The following INSC variants were observed in gnomAD, a reference collection of about 807,000 sequenced individuals.
INSC encodes protein inscuteable homolog.
Under a neutral mutation model 58.6 loss-of-function variants are expected in INSC, and 67 were observed. That is an observed-to-expected ratio of 1.14 (90% confidence interval 0.94 to 1.40). INSC has a LOEUF of 1.40. INSC is among the 40% of genes most tolerant of loss of function. The pLI, the probability that INSC is intolerant of heterozygous loss-of-function variation, is 0.00. For synonymous variants in INSC, 262 were observed against 276.1 expected (o/e 0.95, Z 0.51); for missense variants, 714 against 692.0 (o/e 1.03, Z -0.36).
intron 2 of INSC, among the ~76,000 whole-genome samples, chr11:15,150,753 C>G (rs767865151): frequency 3.3e-5 from 5 of 152,150 alleles, no homozygotes; most frequent in Non-Finnish European, 1.5e-5. Context: ...AGCTCTGTAT[C>G]TGAGTCTCCT....
At chr11:15,258,269 C>T in the INSC span, among the ~76,000 whole-genome samples, 2 of 152,158 alleles carry the variant, frequency 1.3e-5, no homozygotes, top group Non-Finnish European at 2.9e-5. Context: ...ACCTAAAGCC[C>T]TGCCTCTCTT....
intron 12 of INSC, among the ~76,000 whole-genome samples, chr11:15,244,571 CCTGTGTGCATAGGT>C (rs763278377): frequency 1.3e-5 from 2 of 152,148 alleles, no homozygotes; most frequent in Non-Finnish European, 2.9e-5. Flanking sequence ...CAGCATCCTA[CCTGTGTGCATAGGT>C]CTGAGTGCCC....
At chr11:15,227,332 T>C (rs144744144) in intron 9 of INSC, among the ~76,000 whole-genome samples, 208 of 152,306 alleles carry the variant, frequency 1.4e-3, no homozygotes, top group Non-Finnish European at 2.4e-3. Context: ...TGTTGGGTTT[T>C]TGCATCTATT....
rs1226438743 is a variant in INSC, at chr11:15,224,895, T to C, written c.992-755T>C. On this transcript the variant is annotated intron_variant, in intron 8 of 12. Transcript: ENST00000379556. The stretch of plus-strand genomic sequence containing the variant: ...ACATTCAGGAGCTTGGTATAGGACT[T>C]TCTTGCTGCCAGATAACCCTTATCC... Among the ~76,000 whole-genome samples the C allele has an allele frequency of 3.3e-5, 5 of 152,258 alleles. No homozygotes were observed. The East Asian group carries it at 9.6e-4, about 29-fold the overall frequency.
chr11:15,241,291 A>G (rs1852341959), intron 12 of INSC, among the ~76,000 whole-genome samples: 1 of 152,194 alleles, frequency 6.6e-6, no homozygotes, highest in East Asian at 1.9e-4. Context: ...TCTTGTGTTC[A>G]AAGAACATAA....
chr11:15,242,201 A>C (rs977409977), intron 12 of INSC, among the ~76,000 whole-genome samples: 22 of 152,224 alleles, frequency 1.4e-4, no homozygotes, highest in African/African-American at 5.3e-4. Context: ...AAATGTTGGT[A>C]GCATTGAAAG....
chr11:15,248,483 A>G (rs578176745), downstream of INSC, among the ~76,000 whole-genome samples: 17 of 152,352 alleles, frequency 1.1e-4, no homozygotes, highest in East Asian at 3.3e-3. Context: ...CCCAGAGATC[A>G]GGGGCCCTAC....
intron 9 of INSC, among the ~76,000 whole-genome samples, chr11:15,226,080 C>G (rs1190687315): frequency 6.6e-6 from 1 of 152,042 alleles, no homozygotes; most frequent in Admixed American, 6.6e-5. Flanking sequence ...TTTTCTGTGT[C>G]TCTCATTGAC....
At chr11:15,218,842 C>A (rs1851326176) in intron 7 of INSC, among the ~76,000 whole-genome samples, 1 of 152,196 alleles carries the variant, frequency 6.6e-6, no homozygotes, top group Non-Finnish European at 1.5e-5. Flanking sequence ...TGCCTTTGCT[C>A]ACAATAGCTC....
intron 12 of INSC, chr11:15,241,586 A>G (rs1005414426): frequency 2.0e-5 from 14 of 702,874 alleles, no homozygotes; most frequent in Non-Finnish European, 3.4e-5. Context: ...ATACAGCTGC[A>G]GGTAAAAAAG....
intron 12 of INSC, chr11:15,241,517 T>C: frequency 1.4e-6 from 1 of 701,298 alleles, no homozygotes. Flanking sequence ...CTATACATTT[T>C]ATTCAATAAA....
At chr11:15,268,219 G>A in the INSC span, among the ~76,000 whole-genome samples, 1 of 152,020 alleles carries the variant, frequency 6.6e-6, no homozygotes, top group Non-Finnish European at 1.5e-5. Flanking sequence ...GATTTCAATT[G>A]CTTCAGGTGA....
chr11:15,228,866 G>A (rs1019611543), intron 9 of INSC, among the ~76,000 whole-genome samples: 1 of 152,166 alleles, frequency 6.6e-6, no homozygotes, highest in African/African-American at 2.4e-5. Flanking sequence ...GTTGGTGAGG[G>A]CAGCCTTGGA....
In INSC at chr11:15,211,299, G is replaced by A. The variant is rs116287435; in HGVS notation, c.820-10178G>A. On this transcript the variant is annotated intron_variant, in intron 7 of 12. Coordinates refer to ENST00000379556, the MANE Select transcript of INSC (RefSeq NM_001042536.3). The stretch of plus-strand genomic sequence containing the variant: ...ATTTTTATTTTCCTGATGAGTAATG[G>A]TTTTGAACACTTGTTCACATCCTTA... Among the ~76,000 whole-genome samples, 310 of 152,232 alleles carry A rather than the reference G, an allele frequency of 2.0e-3. 1 individual carries two copies. Among genetic ancestry groups the A allele is most frequent in the African/African-American group, 7.2e-3 (297 of 41,532 alleles).
At chr11:15,209,171 C>A (rs906124278) in intron 7 of INSC, among the ~76,000 whole-genome samples, 3 of 152,208 alleles carry the variant, frequency 2.0e-5, no homozygotes, top group Non-Finnish European at 4.4e-5. Context: ...TCTGAGCAAG[C>A]TGCCTCCAGC....
At chr11:15,129,278 C>T (rs1183542983) in intron 1 of INSC, among the ~76,000 whole-genome samples, 2 of 152,108 alleles carry the variant, frequency 1.3e-5, no homozygotes, top group Non-Finnish European at 2.9e-5. Flanking sequence ...CTGTTCTGTT[C>T]TCTATGTTTA....
At chr11:15,164,308 C>T (rs1364413972) in intron 2 of INSC, among the ~76,000 whole-genome samples, 1 of 152,176 alleles carries the variant, frequency 6.6e-6, no homozygotes, top group Non-Finnish European at 1.5e-5. Flanking sequence ...GAAACCTATT[C>T]TAACTTTATA....
At chr11:15,233,497 G>A (rs1206303221) in intron 9 of INSC, among the ~76,000 whole-genome samples, 1 of 152,176 alleles carries the variant, frequency 6.6e-6, no homozygotes, top group African/African-American at 2.4e-5. Context: ...TATTCAAATT[G>A]TACTTAATTG....
At chr11:15,211,394 T>C (rs1172155049) in intron 7 of INSC, among the ~76,000 whole-genome samples, 2 of 152,216 alleles carry the variant, frequency 1.3e-5, no homozygotes, top group African/African-American at 4.8e-5. Context: ...AAACACTGGG[T>C]TGTTTGTCTT....
Sources: gnomAD v4.1 joint callset for allele counts (sites outside exome capture counted in the v4.1 genomes callset) on GRCh38, gnomAD v4.1.1 for gene constraint, MANE v1.5 for transcripts, NCBI Gene and HGNC (gene_info 2026-07-23, HGNC 2026-07-21) for gene names.